TSKS: variants seen among roughly 807,000 people sequenced by gnomAD.
TSKS encodes testis-specific serine kinase substrate.
In TSKS, 27 loss-of-function variants were observed where a neutral mutation model predicts 68.0. The ratio of observed to expected loss-of-function variants is 0.40; its 90% CI spans 0.29 to 0.55. The LOEUF is 0.55. TSKS is among the 20% of genes least tolerant of loss of function. The pLI is 0.53. For missense variants in TSKS, 806 were observed against 776.0 expected (o/e 1.04, Z -0.46); for synonymous variants, 331 against 340.4 (o/e 0.97, Z 0.30).
intron 2 of TSKS, among the ~76,000 whole-genome samples, chr19:49,760,452 C>T (rs1736988948): frequency 6.6e-6 from 1 of 151,890 alleles, no homozygotes; most frequent in Non-Finnish European, 1.5e-5. Flanking sequence ...TCCACAGTAG[C>T]TGGGACTACA....
rs755435259 is a variant in TSKS, at chr19:49,745,222, C to T, written c.1167G>A (p.Arg389=). 20 of 1,604,330 alleles carry T rather than the reference C, an allele frequency of 1.2e-5. No homozygotes were observed. The South Asian group carries it at 2.0e-4, about 16-fold the overall frequency. Residue 389 remains arginine (R), a synonymous_variant, in exon 7 of 11, where the codon CGG becomes CGA. Coordinates refer to ENST00000246801, the MANE Select transcript of TSKS (RefSeq NM_021733.2). ...CTCACATGGTGCACAGCTCATCCGC[C>T]CGACCTCGCAGCTCCTGCAAGTCCC... ...TARDLQELRG[R]ADELCTMVER... is the part of the protein sequence containing the mutation.
chr19:49,744,954 A>G (rs998261186), intron 7 of TSKS, among the ~76,000 whole-genome samples: 2 of 152,036 alleles, frequency 1.3e-5, no homozygotes, highest in Non-Finnish European at 1.5e-5. Flanking sequence ...CTCGGATCCC[A>G]CTTGACCCCA....
At chr19:49,742,561 C>A (rs1217421038) in intron 8 of TSKS, among the ~76,000 whole-genome samples, 1 of 148,092 alleles carries the variant, frequency 6.8e-6, no homozygotes, top group Non-Finnish European at 1.5e-5. Flanking sequence ...TGCAGTGGCA[C>A]CATCTTGGCT....
chr19:49,759,717 C>A (rs1014575575), intron 2 of TSKS, among the ~76,000 whole-genome samples: 1 of 151,464 alleles, frequency 6.6e-6, no homozygotes, highest in Non-Finnish European at 1.5e-5. Context: ...CACCTGCAGT[C>A]CCAGCTACTT....
chr19:49,762,664 T>C (rs1292323424), intron 1 of TSKS, among the ~76,000 whole-genome samples: 1 of 152,016 alleles, frequency 6.6e-6, no homozygotes, highest in Non-Finnish European at 1.5e-5. Flanking sequence ...CCTGACCTCA[T>C]GATCCACCTG....
At chr19:49,746,335 C>T (rs2084299459) in intron 6 of TSKS, 135 bp downstream of exon 6, 11 of 1,052,410 alleles carry the variant, frequency 1.0e-5, no homozygotes, top group Non-Finnish European at 1.2e-5. Flanking sequence ...CCCGAGGCTC[C>T]ACCCATGTCA....
Position 49,762,018 on chromosome 19 carries a change from T to C in TSKS, c.385A>G (p.Ile129Val), listed in dbSNP as rs747332011. Residue 129 changes from isoleucine (I) to valine (V), a missense_variant, in exon 2 of 11, where the codon ATC becomes GTC. By Grantham distance (29) the Ile-to-Val change is conservative. Coordinates refer to ENST00000246801, the MANE Select transcript of TSKS (RefSeq NM_021733.2). ...AGGGCCCTCACCAGGATTTCCGTGA[T>C]GTCTGCGTCATCCGGATCCCAGGGT... The part of the protein sequence containing the change: ...TLPWDPDDAD[I>V]TEILSGVNSG... 36 of 1,613,554 alleles carry C rather than the reference T, an allele frequency of 2.2e-5. No homozygotes were observed. Among genetic ancestry groups the C allele is most frequent in the Non-Finnish European group, 3.0e-5 (35 of 1,179,780 alleles).
rs775353318 is a variant in TSKS at position 49,739,866 on chromosome 19, G to T, written c.1689C>A (p.Asn563Lys). The T allele has an allele frequency of 9.9e-6, 16 of 1,614,002 alleles. No homozygotes were observed. The highest frequency in any genetic ancestry group is 6.7e-5 in the Admixed American group (4 of 59,980). Residue 563 changes from asparagine to lysine, a missense_variant, in exon 11 of 11, where the codon AAC (asparagine) becomes AAA (lysine). Asn to Lys is a moderately conservative substitution (Grantham distance 94). Transcript: ENST00000246801. ...KMCSLHDHLS[N>K]LPLEGSTGTM... ...TTCCCGTGGACCCCTCAAGTGGCAG[G>T]TTGCTGAGATGATCGTGGAGGGAGC...
At chr19:49,744,156 A>G in intron 8 of TSKS, 75 bp downstream of exon 8, 1 of 1,494,318 alleles carries the variant, frequency 6.7e-7, no homozygotes, top group Non-Finnish European at 9.2e-7. Context: ...ACCCTTCACT[A>G]ATGTCCCATC....
chr19:49,757,120 A>G (rs147156223), intron 2 of TSKS, among the ~76,000 whole-genome samples: 189 of 152,348 alleles, frequency 1.2e-3, no homozygotes, highest in African/African-American at 4.4e-3. Flanking sequence ...ACTTCATAAG[A>G]GGAACTGTTT....
intron 2 of TSKS, among the ~76,000 whole-genome samples, 168 bp from the exon 3 acceptor site, chr19:49,748,637 G>A (rs1045995927): frequency 2.6e-5 from 4 of 152,162 alleles, no homozygotes; most frequent in East Asian, 3.8e-4. Flanking sequence ...ATTCCTGCGC[G>A]GCAAACCCAG....
In TSKS at chr19:49,762,019, G is replaced by A. The variant is rs535293617; in HGVS notation, c.384C>T (p.Asp128=). ...PTLPWDPDDA[D]ITEILSGVNS... is the part of the protein sequence containing the mutation. Reference sequence around the variant, plus strand: ...GGGCCCTCACCAGGATTTCCGTGATGTCTGCGTCATCCGGATCCCAGGGTA... The same window carrying A: ...GGGCCCTCACCAGGATTTCCGTGATATCTGCGTCATCCGGATCCCAGGGTA... The change falls in exon 2 of 11, where the codon GAC becomes GAT. Residue 128 remains aspartate, a synonymous_variant. Transcript: ENST00000246801. 2.7e-5 allele frequency: 43 copies of A among 1,613,824 alleles called. 1 individual carries two copies. In the South Asian group the frequency reaches 4.4e-4, roughly 16 times the overall value.
chr19:49,741,880 G>C lies in TSKS; in HGVS notation c.1497+5C>G. 6.2e-7 allele frequency: 1 copy of C among 1,614,136 alleles called. No individual in the cohort carries two copies. Among genetic ancestry groups the C allele is most frequent in the Non-Finnish European group, 8.5e-7 (1 of 1,180,032 alleles). Reference sequence around the variant, plus strand: ...TGGGACATGGTGGCCCATATTCCCTGGTACCAGAATCTTCTTGTGTAGCCT... The same window carrying C: ...TGGGACATGGTGGCCCATATTCCCTCGTACCAGAATCTTCTTGTGTAGCCT... On this transcript the variant is annotated splice_donor_5th_base_variant and intron_variant, in intron 9 of 10. Transcript: ENST00000246801.
chr19:49,754,257 G>T (rs2123621867), intron 2 of TSKS, among the ~76,000 whole-genome samples: 1 of 151,286 alleles, frequency 6.6e-6, no homozygotes, highest in East Asian at 2.0e-4. Context: ...TCAGCACTTT[G>T]GGAGGCCAAG....
chr19:49,749,982 T>C (rs541111571), intron 2 of TSKS, among the ~76,000 whole-genome samples: 1 of 152,116 alleles, frequency 6.6e-6, no homozygotes, highest in South Asian at 2.1e-4. Context: ...AGAATTATAG[T>C]CAATTTCTGA....
chr19:49,746,200 C>CA (rs532007035), intron 6 of TSKS, among the ~76,000 whole-genome samples: 48 of 151,860 alleles, frequency 3.2e-4, no homozygotes, highest in African/African-American at 1.1e-3. Flanking sequence ...CAAAACAAAA[C>CA]AAAAAACGAT....
chr19:49,747,394 G>C lies in TSKS; in HGVS notation c.658C>G (p.Leu220Val), dbSNP rs369324721. ...GACTGCCCCCTAGCCCTTACCTCCA[G>C]CAGGGCAGAATTCTGCTTCAAGACG... ...TNVLKQNSAL[L>V]EEKLRYLQQQ... The change falls in exon 5 of 11, where the codon CTG becomes GTG. Residue 220 changes from leucine to valine, a missense_variant. Transcript: ENST00000246801. The C allele has an allele frequency of 1.4e-5, 22 of 1,614,176 alleles. No homozygotes were observed. Among genetic ancestry groups the C allele is most frequent in the Non-Finnish European group, 1.9e-5 (22 of 1,180,030 alleles).
chr19:49,762,263 G>A (rs1304743520), intron 1 of TSKS, 31 bp from the exon 2 acceptor site: 10 of 1,586,664 alleles, frequency 6.3e-6, no homozygotes, highest in South Asian at 1.1e-5. Flanking sequence ...GAAAAGTGGA[G>A]AAGCAGCCCC....
chr19:49,749,612 A>G (rs948017638), intron 2 of TSKS, among the ~76,000 whole-genome samples: 24 of 150,952 alleles, frequency 1.6e-4, no homozygotes, highest in African/African-American at 5.6e-4. Flanking sequence ...AATGTAGTCA[A>G]TTTATTTTTG....
Sources: allele counts gnomAD v4.1 joint callset (sites outside exome capture counted in the v4.1 genomes callset), GRCh38; gene constraint gnomAD v4.1.1; transcripts MANE v1.5; gene names NCBI Gene and HGNC (gene_info 2026-07-23, HGNC 2026-07-21).